The following MX2 variants were observed in gnomAD, a reference collection of about 807,000 sequenced individuals.
MX2 encodes the protein interferon-induced GTP-binding protein Mx2.
A neutral mutation model predicts 74.0 loss-of-function variants in MX2; 51 were observed. That is an observed-to-expected ratio of 0.69 (90% confidence interval 0.55 to 0.87). MX2 has a LOEUF of 0.87. MX2 is among the 40% of genes least tolerant of loss of function. The probability of loss-of-function intolerance (pLI) is 0.00; values close to 1 mark genes in which losing one functional copy is unlikely to be tolerated. For missense variants in MX2, 832 were observed against 908.7 expected (o/e 0.92, Z 1.09); for synonymous variants, 369 against 339.3 (o/e 1.09, Z -0.96).
Position 41,395,495 on chromosome 21 carries a change from TG to T in MX2, c.872-90del, listed in dbSNP as rs2089722158. 2.2e-5 allele frequency: 26 copies of T among 1,172,782 alleles called. No individual in the cohort carries two copies. In the South Asian group the frequency reaches 3.6e-4, roughly 16 times the overall value. The allele number at this position is 1,172,782 out of a possible 1,614,324, so 72.6% of individuals were successfully genotyped here. Reference sequence around the variant, plus strand: ...GGATCAAGACTGCAGAAGACCTTGTTGGCCAAAAAAGGAGCCCATAGTCCAG... The same window carrying T: ...GGATCAAGACTGCAGAAGACCTTGTTGCCAAAAAAGGAGCCCATAGTCCAG... On this transcript the variant is annotated intron_variant, in intron 6 of 13. Transcript: ENST00000330714.
chr21:41,364,087 C>T (rs2089241682), intron 1 of MX2: 1 of 154,356 alleles, frequency 6.5e-6, no homozygotes, highest in Non-Finnish European at 1.5e-5. Flanking sequence ...GAGGCTTCTG[C>T]CTTCGTCGGG....
At chr21:41,407,097 G>A in intron 13 of MX2, 99 bp downstream of exon 13, 1 of 1,282,464 alleles carries the variant, frequency 7.8e-7, no homozygotes, top group Non-Finnish European at 1.1e-6. Flanking sequence ...GAAGGAGGGA[G>A]GGACCACTAC....
At chr21:41,371,591 C>G (rs2089325335) in intron 1 of MX2, among the ~76,000 whole-genome samples, 1 of 152,154 alleles carries the variant, frequency 6.6e-6, no homozygotes, top group African/African-American at 2.4e-5. Flanking sequence ...GGAGCAGAGC[C>G]AGGCCTTGCT....
At chr21:41,390,783 A>C in intron 6 of MX2, 80 bp downstream of exon 6, 5 of 1,494,948 alleles carry the variant, frequency 3.3e-6, no homozygotes, top group South Asian at 1.1e-5. Flanking sequence ...AGACGGGCGG[A>C]TCACGAGGTC....
At chr21:41,406,230 C>T (rs2089884836) in intron 12 of MX2, among the ~76,000 whole-genome samples, 1 of 152,206 alleles carries the variant, frequency 6.6e-6, no homozygotes, top group Non-Finnish European at 1.5e-5. Flanking sequence ...TCAAGTGATC[C>T]ACCCTCCTTG....
intron 1 of MX2, among the ~76,000 whole-genome samples, chr21:41,371,578 A>C (rs2089325147): frequency 6.6e-6 from 1 of 152,102 alleles, no homozygotes; most frequent in Non-Finnish European, 1.5e-5. Context: ...GCGTACATGA[A>C]ATGGAGCAGA....
At chr21:41,398,862 G>A (rs2089770187) in intron 8 of MX2, 35 bp from the exon 9 acceptor site, 1 of 1,601,858 alleles carries the variant, frequency 6.2e-7, no homozygotes, top group East Asian at 2.2e-5. Context: ...AATCTCTTAA[G>A]CCGCAGTTTG....
intron 1 of MX2, among the ~76,000 whole-genome samples, chr21:41,367,852 G>A (rs1222560129): frequency 2.0e-5 from 3 of 152,040 alleles, no homozygotes; most frequent in Non-Finnish European, 4.4e-5. Context: ...CGTCACCCCC[G>A]ACCTGGCCCT....
Position 41,397,662 on chromosome 21 carries a change from C to T in MX2, c.1120C>T (p.Leu374Phe). 6.2e-7 allele frequency: 1 copy of T among 1,614,158 alleles called. No homozygotes were observed. Among genetic ancestry groups the T allele is most frequent in the South Asian group, 1.1e-5 (1 of 91,076 alleles). ...SATVPRLAER[L>F]TTELIMHIQK... ...CACGGTTCCCCGACTGGCAGAAAGACTTACCACTGAACTCATCATGCATAT... is the reference window on the plus strand; with the variant it reads ...CACGGTTCCCCGACTGGCAGAAAGATTTACCACTGAACTCATCATGCATAT... Residue 374 changes from leucine to phenylalanine, a missense_variant, in exon 8 of 14, where the codon CTT becomes TTT. By Grantham distance (22) the Leu-to-Phe change is conservative. Coordinates refer to ENST00000330714, the MANE Select transcript of MX2 (RefSeq NM_002463.2).
At position 41,363,079 on chromosome 21, in the gene MX2, C is replaced by T. The variant is rs1411037537; in HGVS notation, c.-72+1024C>T. 6.6e-6 allele frequency among the ~76,000 whole-genome samples: 1 copy of T among 152,024 alleles called. No homozygotes were observed. The highest frequency in any genetic ancestry group is 2.4e-5 in the African/African-American group (1 of 41,374). On this transcript the variant is annotated intron_variant, in intron 1 of 13. Coordinates refer to ENST00000330714, the MANE Select transcript of MX2 (RefSeq NM_002463.2). The surrounding 1 kb of genome is among the most constrained non-coding windows in gnomAD (Gnocchi z 4.2). Reference sequence around the variant, plus strand: ...CGGCTTTGATGACACCTTTTGAACACTGTTCTTTCTCATTTTGTGTTTAGA... The same window carrying T: ...CGGCTTTGATGACACCTTTTGAACATTGTTCTTTCTCATTTTGTGTTTAGA...
rs147853019 is a variant in MX2, at chr21:41,366,349, C to T, written c.-72+4294C>T. 140 of 152,312 alleles carry T rather than the reference C, an allele frequency of 9.2e-4. No homozygotes were observed. Among genetic ancestry groups the T allele is most frequent in the African/African-American group, 3.1e-3 (127 of 41,560 alleles). The allele number at this position is 152,312 out of a possible 1,614,324, so 9.4% of individuals were successfully genotyped here. ...CTGGTGTGCTAGTCCATTTGTGTCA[C>T]GATAGAGGTAAACCTGAGACTGAGT... On this transcript the variant is annotated intron_variant, in intron 1 of 13. Coordinates refer to ENST00000330714, the MANE Select transcript of MX2 (RefSeq NM_002463.2). The surrounding 1 kb of genome is among the most constrained non-coding windows in gnomAD (Gnocchi z 4.5).
rs147078606 is a variant in MX2, at chr21:41,382,995, G to A, written c.732+431G>A. ...GCAGGAGAGGCACAGGGGTGAGGGAGGGCGACCGGGCAATAAGGACACACA... is the reference window on the plus strand; with the variant it reads ...GCAGGAGAGGCACAGGGGTGAGGGAAGGCGACCGGGCAATAAGGACACACA... On this transcript the variant is annotated intron_variant, in intron 5 of 13. Coordinates refer to ENST00000330714, the MANE Select transcript of MX2 (RefSeq NM_002463.2). Among the ~76,000 whole-genome samples the A allele has an allele frequency of 4.8e-3, 735 of 152,348 alleles. 9 individuals carry two copies. Among genetic ancestry groups the A allele is most frequent in the African/African-American group, 0.016 (671 of 41,580 alleles).
At chr21:41,375,500 G>A (rs1405808785) in intron 1 of MX2, among the ~76,000 whole-genome samples, 2 of 152,228 alleles carry the variant, frequency 1.3e-5, no homozygotes, top group African/African-American at 2.4e-5. Flanking sequence ...GGGAATCTGT[G>A]CTCTCCTCCC....
chr21:41,376,421 C>T (rs1373322370), intron 1 of MX2, among the ~76,000 whole-genome samples: 1 of 152,160 alleles, frequency 6.6e-6, no homozygotes, highest in Non-Finnish European at 1.5e-5. Flanking sequence ...TGGTGCATGC[C>T]TCTAGTCCCA....
At chr21:41,381,684 C>CAAAAAAAAAAAAAAA (rs57350601) in intron 4 of MX2, among the ~76,000 whole-genome samples, 10 of 58,454 alleles carry the variant, frequency 1.7e-4, no homozygotes, top group African/African-American at 5.1e-4. Context: ...GACTCTGTCT[C>CAAAAAAAAAAAAAAA]AAAAAAAAAA....
In MX2 at chr21:41,377,203, G is replaced by A. The variant is rs542438051; in HGVS notation, c.249+48G>A. ...CAGAAAGGGTGCATTCTGGCTGCCG[G>A]TGCAGAGGGCTGTCATGTAAGCCCA... On this transcript the variant is annotated intron_variant, in intron 2 of 13. Coordinates refer to ENST00000330714, the MANE Select transcript of MX2 (RefSeq NM_002463.2). 2.5e-6 allele frequency: 4 copies of A among 1,604,790 alleles called. No individual in the cohort carries two copies. The South Asian group carries it at 4.4e-5, about 18-fold the overall frequency.
rs748301276 is a variant in MX2, at chr21:41,403,312, G to C, written c.1619G>C (p.Gly540Ala). ...AFINVAKKHFGEFFNLNQTVQ... is the reference protein window; with the variant it reads ...AFINVAKKHFAEFFNLNQTVQ... ...ATTAACGTGGCCAAAAAACATTTTGGCGAATTTTTCAACCTTAACCAAACT... is the reference window on the plus strand; with the variant it reads ...ATTAACGTGGCCAAAAAACATTTTGCCGAATTTTTCAACCTTAACCAAACT... Residue 540 changes from glycine (G) to alanine (A), a missense_variant, in exon 12 of 14, where the codon GGC (glycine) becomes GCC (alanine). Physicochemically the swap from Gly to Ala is moderately conservative, Grantham distance 60 (BLOSUM62 0). Coordinates refer to ENST00000330714, the MANE Select transcript of MX2 (RefSeq NM_002463.2). 15 of 1,613,854 alleles carry C rather than the reference G, an allele frequency of 9.3e-6. No homozygotes were observed. The South Asian group carries it at 1.6e-4, about 18-fold the overall frequency.
chr21:41,367,566 A>G (rs2089278603), intron 1 of MX2, among the ~76,000 whole-genome samples: 1 of 152,144 alleles, frequency 6.6e-6, no homozygotes, highest in Non-Finnish European at 1.5e-5. Flanking sequence ...TTTCTCAGTC[A>G]GAAGGAGGGA....
At chr21:41,393,531 C>G (rs2089692311) in intron 6 of MX2, among the ~76,000 whole-genome samples, 1 of 152,150 alleles carries the variant, frequency 6.6e-6, no homozygotes, top group Non-Finnish European at 1.5e-5. Context: ...ACCATTCTCT[C>G]TCTCTCGGGT....
Sources: allele counts gnomAD v4.1 joint callset (sites outside exome capture counted in the v4.1 genomes callset), GRCh38; gene constraint gnomAD v4.1.1; non-coding constraint Gnocchi (gnomAD v3.1); transcripts MANE v1.5; gene names NCBI Gene and HGNC (gene_info 2026-07-23, HGNC 2026-07-21).